PHF21B: variants seen among roughly 807,000 people sequenced by gnomAD.
PHF21B encodes PHD finger protein 21B.
A neutral mutation model predicts 62.2 loss-of-function variants in PHF21B; 22 were observed. That is an observed-to-expected ratio of 0.35 (90% confidence interval 0.25 to 0.51). PHF21B has a LOEUF of 0.51. Ranked by LOEUF, PHF21B falls within the 20% of genes least tolerant of loss-of-function variation. PHF21B has a pLI of 0.97. For missense variants in PHF21B, 701 were observed against 707.9 expected (o/e 0.99, Z 0.11); for synonymous variants, 341 against 314.7 (o/e 1.08, Z -0.88).
intron 3 of PHF21B, among the ~76,000 whole-genome samples, chr22:44,918,330 C>T (rs1569227403): frequency 6.6e-6 from 1 of 152,196 alleles, no homozygotes; most frequent in African/African-American, 2.4e-5. Flanking sequence ...TGGCCGCCCA[C>T]CCTATGTAAG....
At chr22:44,957,460 T>C (rs2072324387) in intron 2 of PHF21B, among the ~76,000 whole-genome samples, 2 of 152,198 alleles carry the variant, frequency 1.3e-5, no homozygotes, top group Admixed American at 1.3e-4. Flanking sequence ...CCACTGTCCG[T>C]CCTCATGCTG....
rs1170627019 is a variant in PHF21B at position 44,884,357 on chromosome 22, G to A, written c.1378-1053C>T. ...CCATCATTAGCACCATCACCACCAC[G>A]ATCACCAACGTCACCACCACCACCA... On this transcript the variant is annotated intron_variant, in intron 12 of 12. Transcript: ENST00000313237. Among the ~76,000 whole-genome samples the A allele has an allele frequency of 7.6e-5, 3 of 39,706 alleles. 1 individual carries two copies. Among genetic ancestry groups the A allele is most frequent in the Middle Eastern group, 0.033 (2 of 60 alleles). The allele number at this position is 39,706 out of a possible 152,430, so 26.0% of individuals were successfully genotyped here.
chr22:44,898,276 T>C (rs536048478), intron 5 of PHF21B, among the ~76,000 whole-genome samples: 1 of 152,254 alleles, frequency 6.6e-6, no homozygotes, highest in East Asian at 1.9e-4. Flanking sequence ...TTGTCTGATA[T>C]TTTCCTCGTA....
rs150365725 is a variant in PHF21B at position 44,885,454 on chromosome 22, C to T, written c.1349G>A (p.Arg450Gln). The change falls in exon 12 of 13, where the codon CGG becomes CAG. Residue 450 changes from arginine (R) to glutamine (Q), a missense_variant. By Grantham distance (43) the Arg-to-Gln change is conservative. Transcript: ENST00000313237. Reference sequence around the variant, plus strand: ...CACTGCTGACGCCAGCCGCCGGTCCCGCTCCTCCAGCTGCTGGTGCTCGTT... The same window carrying T: ...CACTGCTGACGCCAGCCGCCGGTCCTGCTCCTCCAGCTGCTGGTGCTCGTT... ...LQNEHQQLEE[R>Q]DRRLASAVQK... is the part of the protein sequence containing the mutation. 2 of 1,591,914 alleles carry T rather than the reference C, an allele frequency of 1.3e-6. No individual in the cohort carries two copies. The highest frequency in any genetic ancestry group is 1.7e-6 in the Non-Finnish European group (2 of 1,170,168).
chr22:44,944,625 T>C (rs2072027114), intron 2 of PHF21B, among the ~76,000 whole-genome samples: 1 of 152,176 alleles, frequency 6.6e-6, no homozygotes, highest in African/African-American at 2.4e-5. Flanking sequence ...AAATGACGCA[T>C]CACAGGGCCA....
intron 1 of PHF21B, 90 bp from the exon 2 acceptor site, chr22:45,008,700 C>A: frequency 8.3e-7 from 1 of 1,209,282 alleles, no homozygotes; most frequent in Non-Finnish European, 1.0e-6. Flanking sequence ...CCGCCCGGAG[C>A]CCCACGGGCG....
intron 2 of PHF21B, chr22:44,969,238 A>AC (rs2072590620): frequency 6.6e-6 from 1 of 152,124 alleles, no homozygotes; most frequent in South Asian, 2.1e-4. Flanking sequence ...CACAAAGGAC[A>AC]CCCCAAAGCC....
intron 2 of PHF21B, among the ~76,000 whole-genome samples, chr22:44,988,481 A>T (rs1023597641): frequency 3.9e-5 from 6 of 152,202 alleles, no homozygotes; most frequent in African/African-American, 1.4e-4. Flanking sequence ...AAGGGAAAGG[A>T]AAAAGGGAAA....
chr22:44,900,244 C>G (rs141664105), intron 5 of PHF21B, among the ~76,000 whole-genome samples: 1 of 152,180 alleles, frequency 6.6e-6, no homozygotes, highest in Non-Finnish European at 1.5e-5. Flanking sequence ...TTCCCCATGT[C>G]TCTTGGTTGC....
chr22:44,928,294 C>T (rs1056860971), intron 2 of PHF21B, among the ~76,000 whole-genome samples: 1 of 152,200 alleles, frequency 6.6e-6, no homozygotes, highest in African/African-American at 2.4e-5. Context: ...CACAGTCTAA[C>T]TCCCTGACTG....
rs1274983329 is a variant in PHF21B, at chr22:44,883,077, C to A, written c.*9G>T. 1 of 1,603,772 alleles carries A rather than the reference C, an allele frequency of 6.2e-7. No homozygotes were observed. ...ACTTTCCGTGGGTATGAAGACTGGT[C>A]CCTCGGGGTCAGTTGTGGCCCTGGG... On this transcript the variant is annotated 3_prime_UTR_variant, in exon 13 of 13. Transcript: ENST00000313237.
At chr22:44,987,717 G>A (rs2072976154) in intron 2 of PHF21B, among the ~76,000 whole-genome samples, 1 of 151,852 alleles carries the variant, frequency 6.6e-6, no homozygotes, top group African/African-American at 2.4e-5. Context: ...GGCAGGCATT[G>A]AGGTTTACGG....
chr22:44,942,576 G>A (rs1187673463), intron 2 of PHF21B, among the ~76,000 whole-genome samples: 1 of 152,184 alleles, frequency 6.6e-6, no homozygotes, highest in African/African-American at 2.4e-5. Flanking sequence ...GCCCATGTGT[G>A]CTCCAGGCTG....
chr22:44,966,703 G>A (rs1601655386), intron 2 of PHF21B, among the ~76,000 whole-genome samples: 1 of 152,150 alleles, frequency 6.6e-6, no homozygotes, highest in African/African-American at 2.4e-5. Flanking sequence ...GGTAGCGGTA[G>A]CCCCCGCAGT....
chr22:44,957,121 G>T (rs1241258312), intron 2 of PHF21B, among the ~76,000 whole-genome samples: 1 of 152,112 alleles, frequency 6.6e-6, no homozygotes, highest in Non-Finnish European at 1.5e-5. Context: ...GCTCACAGCT[G>T]CCTCGTCCTG....
At chr22:44,912,218 G>A (rs1287295174) in intron 5 of PHF21B, among the ~76,000 whole-genome samples, 3 of 152,226 alleles carry the variant, frequency 2.0e-5, no homozygotes, top group African/African-American at 7.2e-5. Context: ...GACTTGCCTT[G>A]TCTCGGATGA....
intron 2 of PHF21B, among the ~76,000 whole-genome samples, chr22:44,996,704 A>G (rs2081147167): frequency 1.3e-5 from 2 of 152,014 alleles, no homozygotes; most frequent in Non-Finnish European, 2.9e-5. Flanking sequence ...ATGCATATAC[A>G]CATGCAGACA....
At chr22:44,945,007 T>C (rs2072037656) in intron 2 of PHF21B, among the ~76,000 whole-genome samples, 1 of 152,258 alleles carries the variant, frequency 6.6e-6, no homozygotes, top group Non-Finnish European at 1.5e-5. Flanking sequence ...GATTCCTGCA[T>C]ACCGGGCTGC....
At chr22:44,963,562 G>A (rs923990891) in intron 2 of PHF21B, among the ~76,000 whole-genome samples, 2 of 152,204 alleles carry the variant, frequency 1.3e-5, no homozygotes, top group Non-Finnish European at 2.9e-5. Context: ...GGGGCTGAAG[G>A]ACGAAAGAAG....
Sources: gnomAD v4.1 joint callset for allele counts (sites outside exome capture counted in the v4.1 genomes callset) on GRCh38, gnomAD v4.1.1 for gene constraint, MANE v1.5 for transcripts, NCBI Gene and HGNC (gene_info 2026-07-23, HGNC 2026-07-21) for gene names.